The following MTCH1 variants were observed in gnomAD, a reference collection of about 807,000 sequenced individuals.
MTCH1 encodes the protein mitochondrial carrier homolog 1.
In MTCH1, 23 loss-of-function variants were observed where a neutral mutation model predicts 49.3. The observed-to-expected ratio is 0.47, with a 90% CI of 0.34 to 0.66. MTCH1 has a LOEUF of 0.66. MTCH1 is among the 30% of genes least tolerant of loss of function. The pLI is 0.01. For synonymous variants in MTCH1, 229 were observed against 215.2 expected (o/e 1.06, Z -0.56); for missense variants, 397 against 532.1 (o/e 0.75, Z 2.50).
At chr6:36,984,687 TCA>T (rs1241773855) in intron 1 of MTCH1, among the ~76,000 whole-genome samples, 2 of 151,880 alleles carry the variant, frequency 1.3e-5, no homozygotes. Flanking sequence ...CACCTAATTC[TCA>T]CACCTCCACA....
In MTCH1 at chr6:36,977,759, G is replaced by T; in HGVS notation, c.592-68C>A. The T allele has an allele frequency of 7.2e-7, 1 of 1,384,776 alleles. No homozygotes were observed. The highest frequency in any genetic ancestry group is 1.0e-6 in the Non-Finnish European group (1 of 998,210). 85.8% of individuals were successfully genotyped at this position (1,384,776 alleles called of 1,614,324 possible). On this transcript the variant is annotated intron_variant, in intron 4 of 11. Transcript: ENST00000373627. The surrounding 1 kb of genome is among the most constrained non-coding windows in gnomAD (Gnocchi z 5.4). ...TCTCTGGAACTGGCCCTCGAGGGGA[G>T]CTACAAGTGCTCAGGAGGGAGAAAC...
chr6:36,976,367 A>G lies in MTCH1; in HGVS notation c.702-650T>C, dbSNP rs558862485. The G allele has an allele frequency of 8.3e-6, 3 of 361,002 alleles. No individual in the cohort carries two copies. In the East Asian group the frequency reaches 2.3e-4, roughly 28 times the overall value. The allele number at this position is 361,002 out of a possible 1,614,324, so 22.4% of individuals were successfully genotyped here. On this transcript the variant is annotated intron_variant, in intron 6 of 11. Transcript: ENST00000373627. ...CAAGGAAGCTCAATAACAACCTACT[A>G]ACAGAGGGAGCCAGTGGAAGGCAAA...
intron 6 of MTCH1, among the ~76,000 whole-genome samples, chr6:36,976,962 C>T (rs1189860207): frequency 1.3e-5 from 2 of 152,210 alleles, no homozygotes; most frequent in African/African-American, 4.8e-5. Flanking sequence ...ATCCCACTCA[C>T]CCCTCTGCAA....
chr6:36,972,277 C>T lies in MTCH1; in HGVS notation c.906+375G>A, dbSNP rs548399052. ...GATGCCGTCAGATCAAAGGCCATAA[C>T]GTTCACAAAAGGGTTTTAAAAAGCA... On this transcript the variant is annotated intron_variant, in intron 8 of 11. Transcript: ENST00000373627. This position sits in a 1 kb window ranked among gnomAD's most constrained non-coding sequence, Gnocchi z 4.1. 3.1e-4 allele frequency among the ~76,000 whole-genome samples: 47 copies of T among 152,220 alleles called. No homozygotes were observed. The highest frequency in any genetic ancestry group is 9.2e-4 in the African/African-American group (38 of 41,526).
chr6:36,985,731 CCGCCGTCCCCA>C, intron 1 of MTCH1, 111 bp downstream of exon 1: 1 of 455,088 alleles, frequency 2.2e-6, no homozygotes, highest in Non-Finnish European at 3.8e-6. Flanking sequence ...CCCCCCAAAC[CCGCCGTCCCCA>C]CCCCTCTCCC....
upstream of MTCH1, chr6:36,986,255 AC>A: frequency 1.6e-6 from 2 of 1,266,546 alleles, no homozygotes; most frequent in South Asian, 1.8e-5. Flanking sequence ...GCCGGGGCGC[AC>A]CACTCCAGGC....
At chr6:36,984,693 C>G (rs116681184) in intron 1 of MTCH1, among the ~76,000 whole-genome samples, 3 of 152,032 alleles carry the variant, frequency 2.0e-5, no homozygotes, top group Non-Finnish European at 4.4e-5. Context: ...ATTCTCACAC[C>G]TCCACACGCC....
chr6:36,985,491 A>G (rs12213465), intron 1 of MTCH1, among the ~76,000 whole-genome samples: 1 of 151,280 alleles, frequency 6.6e-6, no homozygotes, highest in East Asian at 1.9e-4. Flanking sequence ...CCTCGCCCCA[A>G]ATTCGCTCCC....
chr6:36,974,050 CATG>C (rs1260571149), intron 7 of MTCH1, among the ~76,000 whole-genome samples: 2 of 152,190 alleles, frequency 1.3e-5, no homozygotes, highest in Non-Finnish European at 2.9e-5. Context: ...CGGTGACATA[CATG>C]CTGATAGGTA....
At chr6:36,974,325 C>T (rs142384123) in intron 7 of MTCH1, among the ~76,000 whole-genome samples, 192 of 152,212 alleles carry the variant, frequency 1.3e-3, no homozygotes, top group African/African-American at 4.3e-3. Flanking sequence ...CTCAGCCTCC[C>T]GGGTAGCTAG....
At position 36,982,534 on chromosome 6, in the gene MTCH1, C is replaced by T. The variant is rs2150753273; in HGVS notation, c.322-862G>A. ...TCCCAAGTAGCTGGGAATACAAGCA[C>T]CCGCCACCATACCCGGCAAATTTTT... On this transcript the variant is annotated intron_variant, in intron 1 of 11. Transcript: ENST00000373627. The surrounding 1 kb of genome is among the most constrained non-coding windows in gnomAD (Gnocchi z 4.1). Among the ~76,000 whole-genome samples the T allele has an allele frequency of 6.6e-6, 1 of 152,192 alleles. No homozygotes were observed. Among genetic ancestry groups the T allele is most frequent in the South Asian group, 2.1e-4 (1 of 4,816 alleles).
In MTCH1 at chr6:36,972,430, A is replaced by G. The variant is rs6917863; in HGVS notation, c.906+222T>C. ...GCTGGGGTCTGTTTCTAAGGCGCCC[A>G]GGGACAAGCATTCCATTAATTCCTC... On this transcript the variant is annotated intron_variant, in intron 8 of 11. Transcript: ENST00000373627. The surrounding 1 kb of genome is among the most constrained non-coding windows in gnomAD (Gnocchi z 4.1). Among the ~76,000 whole-genome samples the G allele has an allele frequency of 0.015, 2,291 of 152,218 alleles. 33 individuals are homozygous for G. Among genetic ancestry groups the G allele is most frequent in the African/African-American group, 0.031 (1,269 of 41,530 alleles).
At chr6:36,976,613 G>A (rs894815915) in intron 6 of MTCH1, 12 of 470,414 alleles carry the variant, frequency 2.6e-5, no homozygotes, top group East Asian at 1.4e-4. Flanking sequence ...AAAAAACACC[G>A]ACCCCAGGAA....
At chr6:36,978,416 A>C in intron 3 of MTCH1, 89 bp downstream of exon 3, 1 of 1,317,250 alleles carries the variant, frequency 7.6e-7, no homozygotes, top group African/African-American at 1.5e-5. Flanking sequence ...GGGAAGGAGG[A>C]GGCAAGACCA....
Position 36,977,129 on chromosome 6 carries a change from C to T in MTCH1, c.701+70G>A, listed in dbSNP as rs1561908033. 6 of 1,532,440 alleles carry T rather than the reference C, an allele frequency of 3.9e-6. No individual in the cohort carries two copies. In the East Asian group the frequency reaches 1.1e-4, roughly 29 times the overall value. The allele number at this position is 1,532,440 out of a possible 1,614,324, so 94.9% of individuals were successfully genotyped here. ...GCAGAAAAGGTGCAGCAACCAATCC[C>T]AGCACGGCCTGCCCTGGCCGACTCT... On this transcript the variant is annotated intron_variant, in intron 6 of 11. Transcript: ENST00000373627. The surrounding 1 kb of genome is among the most constrained non-coding windows in gnomAD (Gnocchi z 5.4).
rs1051797327 is a variant in MTCH1 at position 36,970,453 on chromosome 6, G to A, written c.975C>T (p.Thr325=). The A allele has an allele frequency of 6.2e-7, 1 of 1,614,204 alleles. No individual in the cohort carries two copies. The highest frequency in any genetic ancestry group is 8.5e-7 in the Non-Finnish European group (1 of 1,180,042). The change falls in exon 10 of 12, where the codon ACC becomes ACT. Residue 325 remains threonine (T), a synonymous_variant. Coordinates refer to ENST00000373627, the MANE Select transcript of MTCH1 (RefSeq NM_001271641.2). ...GGTCGCCAACTAGCAGGAAGGGGTA[G>A]GTCAGCATGCTCACTGCAATCTGAA... The part of the protein sequence containing the change: ...FVMGIAVSML[T]YPFLLVGDLM...
At chr6:36,979,135 C>T (rs1021683359) in intron 2 of MTCH1, among the ~76,000 whole-genome samples, 7 of 152,142 alleles carry the variant, frequency 4.6e-5, no homozygotes, top group African/African-American at 1.7e-4. Context: ...GCACATGCCA[C>T]GGCCAGGGCA....
At chr6:36,975,832 G>GA (rs948864394) in intron 6 of MTCH1, 115 bp from the exon 7 acceptor site, 1 of 863,054 alleles carries the variant, frequency 1.2e-6, no homozygotes, top group Admixed American at 2.1e-5. Context: ...TCCTGGCAGG[G>GA]ATGGGGAGGA....
At chr6:36,978,692 C>T (rs1424561998) in intron 2 of MTCH1, 81 bp from the exon 3 acceptor site, 1 of 1,259,746 alleles carries the variant, frequency 7.9e-7, no homozygotes, top group Non-Finnish European at 1.1e-6. Context: ...CCAGACCAGG[C>T]TCGGCTTGTC....
Sources: allele counts gnomAD v4.1 joint callset (sites outside exome capture counted in the v4.1 genomes callset), GRCh38; gene constraint gnomAD v4.1.1; non-coding constraint Gnocchi (gnomAD v3.1); transcripts MANE v1.5; gene names NCBI Gene and HGNC (gene_info 2026-07-23, HGNC 2026-07-21).